The following OR1L6 variants were observed in gnomAD, a reference collection of about 807,000 sequenced individuals.
OR1L6 encodes olfactory receptor 1L6.
Under a neutral mutation model 3.0 loss-of-function variants are expected in OR1L6, and 2 were observed. The ratio of observed to expected loss-of-function variants is 0.68; its 90% CI spans 0.28 to 2.13. OR1L6 has a LOEUF of 2.13. OR1L6 is among the 30% of genes most tolerant of loss of function. The pLI, the probability that OR1L6 is intolerant of heterozygous loss-of-function variation, is 0.14. For synonymous variants in OR1L6, 121 were observed against 148.4 expected (o/e 0.82, Z 1.34); for missense variants, 304 against 378.4 (o/e 0.80, Z 1.63).
intron 1 of OR1L6, among the ~76,000 whole-genome samples, chr9:122,748,358 T>C (rs923524057): frequency 6.6e-6 from 1 of 151,646 alleles, no homozygotes; most frequent in Non-Finnish European, 1.5e-5. Flanking sequence ...TGAATGAAAG[T>C]ATCCTCATTC....
chr9:122,750,205 G>A lies in OR1L6; in HGVS notation c.358G>A (p.Ala120Thr). The A allele has an allele frequency of 3.7e-6, 6 of 1,613,960 alleles. No homozygotes were observed. The highest frequency in any genetic ancestry group is 4.2e-6 in the Non-Finnish European group (5 of 1,179,952). ...NTDSYLLASMAIDRLVAICNP... is the reference protein window; with the variant it reads ...NTDSYLLASMTIDRLVAICNP... ...TGACAGCTACCTGCTGGCCTCTATG[G>A]CCATCGACCGGCTGGTGGCCATCTG... The change falls in exon 2 of 2, where the codon GCC (alanine) becomes ACC (threonine). Residue 120 changes from alanine (A) to threonine (T), a missense_variant. This residue lies in a region of OR1L6 where 192 missense variants were observed against 242.7 expected (regional missense o/e 0.79). Coordinates refer to ENST00000304720, the MANE Select transcript of OR1L6 (RefSeq NM_001004453.3).
intron 1 of OR1L6, 90 bp from the exon 2 acceptor site, chr9:122,749,745 C>A: frequency 8.4e-7 from 1 of 1,192,500 alleles, no homozygotes; most frequent in Non-Finnish European, 1.2e-6. Context: ...GGGCTATGAG[C>A]TATTTTTACA....
chr9:122,744,546 C>A (rs780132429), intron 1 of OR1L6, among the ~76,000 whole-genome samples: 3 of 152,144 alleles, frequency 2.0e-5, no homozygotes, highest in Non-Finnish European at 4.4e-5. Flanking sequence ...TAGAAATAAT[C>A]CACATTTCCT....
rs1373428322 is a variant in OR1L6 at position 122,745,688 on chromosome 9, AG to A, written c.-14+3317del. On this transcript the variant is annotated intron_variant, in intron 1 of 1. Transcript: ENST00000304720. Reference sequence around the variant, plus strand: ...CGGCCTCCCAAAGTGCTGGGATTACAGGCGTAAACCACCGCACCCAGCCAAA... The same window carrying A: ...CGGCCTCCCAAAGTGCTGGGATTACAGCGTAAACCACCGCACCCAGCCAAA... Among the ~76,000 whole-genome samples the A allele has an allele frequency of 3.3e-5, 5 of 152,148 alleles. No homozygotes were observed. The East Asian group carries it at 9.7e-4, about 29-fold the overall frequency.
intron 1 of OR1L6, among the ~76,000 whole-genome samples, chr9:122,745,938 G>A (rs566361658): frequency 2.6e-5 from 4 of 152,156 alleles, no homozygotes; most frequent in South Asian, 4.2e-4. Flanking sequence ...CATGTGCCAT[G>A]GTGGTTTCCT....
Position 122,750,271 on chromosome 9 carries a change from T to A in OR1L6, c.424T>A (p.Cys142Ser). The change falls in exon 2 of 2, where the codon TGC (cysteine) becomes AGC (serine). Residue 142 changes from cysteine to serine, a missense_variant. This residue lies in a region of OR1L6 where 192 missense variants were observed against 242.7 expected (regional missense o/e 0.79). Transcript: ENST00000304720. ...HYDVVMKPRH[C>S]LLMLLGSCSI... Reference sequence around the variant, plus strand: ...TGATGTGGTTATGAAACCACGGCATTGCCTGCTCATGCTATTGGGTTCTTG... The same window carrying A: ...TGATGTGGTTATGAAACCACGGCATAGCCTGCTCATGCTATTGGGTTCTTG... 6.2e-7 allele frequency: 1 copy of A among 1,614,084 alleles called. No individual in the cohort carries two copies. The highest frequency in any genetic ancestry group is 1.1e-5 in the South Asian group (1 of 91,076).
intron 1 of OR1L6, among the ~76,000 whole-genome samples, chr9:122,748,249 T>C (rs1474014785): frequency 6.6e-6 from 1 of 152,182 alleles, no homozygotes; most frequent in Non-Finnish European, 1.5e-5. Flanking sequence ...TGATTAATTC[T>C]GATGTTCATT....
Position 122,744,741 on chromosome 9 carries a change from C to T in OR1L6, c.-14+2368C>T, listed in dbSNP as rs192174412. ...GCTAATCACTTGCAGTAGAGTTTGC[C>T]AAACACTCACTCAACTGTCATTTGA... On this transcript the variant is annotated intron_variant, in intron 1 of 1. Coordinates refer to ENST00000304720, the MANE Select transcript of OR1L6 (RefSeq NM_001004453.3). 3.2e-3 allele frequency among the ~76,000 whole-genome samples: 493 copies of T among 152,258 alleles called. 4 individuals carry two copies. Among genetic ancestry groups the T allele is most frequent in the Non-Finnish European group, 4.5e-3 (303 of 68,014 alleles).
chr9:122,746,796 C>T (rs1828842231), intron 1 of OR1L6, among the ~76,000 whole-genome samples: 1 of 152,102 alleles, frequency 6.6e-6, no homozygotes, highest in Non-Finnish European at 1.5e-5. Context: ...TTTCAGTCCA[C>T]ATTTTCTGAT....
At position 122,750,430 on chromosome 9, in the gene OR1L6, T is replaced by A. The variant is rs144787105; in HGVS notation, c.583T>A (p.Ser195Thr). The change falls in exon 2 of 2, where the codon TCC becomes ACC. Residue 195 changes from serine to threonine, a missense_variant. Coordinates refer to ENST00000304720, the MANE Select transcript of OR1L6 (RefSeq NM_001004453.3). Reference protein sequence around the residue: ...VLKLSCSDTSSSQMVVMTETL... With the variant: ...VLKLSCSDTSTSQMVVMTETL... ...AAAGCTCTCCTGCTCTGACACATCC[T>A]CCAGCCAGATGGTGGTGATGACTGA... The A allele has an allele frequency of 4.5e-5, 72 of 1,599,662 alleles. No individual in the cohort carries two copies. Among genetic ancestry groups the A allele is most frequent in the Non-Finnish European group, 6.1e-5 (71 of 1,171,080 alleles).
In OR1L6 at chr9:122,745,405, C is replaced by T. The variant is rs533872332; in HGVS notation, c.-14+3032C>T. On this transcript the variant is annotated intron_variant, in intron 1 of 1. Transcript: ENST00000304720. The stretch of plus-strand genomic sequence containing the variant: ...ATTACGAAATGACTATAAATAAACA[C>T]ACCTTTTTTTTTTTTTTTTTTATTT... Among the ~76,000 whole-genome samples the T allele has an allele frequency of 9.6e-5, 12 of 124,994 alleles. No individual in the cohort carries two copies. The East Asian group carries it at 2.8e-3, about 29-fold the overall frequency. 82.0% of individuals were successfully genotyped at this position (124,994 alleles called of 152,430 possible).
At chr9:122,742,834 G>T (rs369516625) in intron 1 of OR1L6, among the ~76,000 whole-genome samples, 1 of 152,196 alleles carries the variant, frequency 6.6e-6, no homozygotes, top group African/African-American at 2.4e-5. Context: ...CAAGTTTGTC[G>T]AGCAGTACCT....
chr9:122,748,969 ACAC>A lies in OR1L6; in HGVS notation c.-13-862_-13-860del, dbSNP rs567664041. Among the ~76,000 whole-genome samples the A allele has an allele frequency of 1.8e-3, 277 of 152,320 alleles. 1 individual carries two copies. Among genetic ancestry groups the A allele is most frequent in the Non-Finnish European group, 3.0e-3 (203 of 68,022 alleles). On this transcript the variant is annotated intron_variant, in intron 1 of 1. Transcript: ENST00000304720. ...TGTGTGTGTACACGTATACGTACACACACCACTTCTTTTATTCATTCATCCATT... is the reference window on the plus strand; with the variant it reads ...TGTGTGTGTACACGTATACGTACACACACTTCTTTTATTCATTCATCCATT...
intron 1 of OR1L6, among the ~76,000 whole-genome samples, chr9:122,745,745 A>G (rs1564248645): frequency 6.6e-6 from 1 of 152,116 alleles, no homozygotes; most frequent in Non-Finnish European, 1.5e-5. Context: ...CAGACAATAC[A>G]ATATAAAGTT....
chr9:122,743,194 T>A (rs1194367450), intron 1 of OR1L6, among the ~76,000 whole-genome samples: 1 of 152,122 alleles, frequency 6.6e-6, no homozygotes, highest in Non-Finnish European at 1.5e-5. Context: ...TTTAATTCAT[T>A]GAATTATTGA....
intron 1 of OR1L6, among the ~76,000 whole-genome samples, chr9:122,748,118 CTTAAAA>C (rs1828854122): frequency 6.6e-6 from 1 of 152,100 alleles, no homozygotes; most frequent in African/African-American, 2.4e-5. Context: ...GGACCAAACG[CTTAAAA>C]TTAAAGTATC....
rs10818740 is a variant in OR1L6, at chr9:122,750,509, G to A, written c.662G>A (p.Arg221Gln). ...PFLCIIFSYL[R>Q]IMVTVLRIPS... ...CTGTGTATCATCTTCTCCTACCTGC[G>A]AATCATGGTCACTGTGCTCAGAATC... Residue 221 changes from arginine (R) to glutamine (Q), a missense_variant, in exon 2 of 2, where the codon CGA becomes CAA. Physicochemically the swap from Arg to Gln is conservative, Grantham distance 43 (BLOSUM62 1). This residue lies in a region of OR1L6 where 21 missense variants were observed against 47.9 expected (regional missense o/e 0.44). Coordinates refer to ENST00000304720, the MANE Select transcript of OR1L6 (RefSeq NM_001004453.3). 0.89 allele frequency: 728,850 copies of A among 816,912 alleles called. 348,548 individuals are homozygous for A. The highest frequency in any genetic ancestry group is 1 in the East Asian group (40,016 of 40,054). The allele number at this position is 816,912 out of a possible 1,614,324, so 50.6% of individuals were successfully genotyped here. A position where few individuals can be genotyped will look rare whatever the true frequency, so the allele number is the denominator to read the frequency against.
At chr9:122,747,219 G>A (rs920312059) in intron 1 of OR1L6, among the ~76,000 whole-genome samples, 13 of 152,122 alleles carry the variant, frequency 8.5e-5, no homozygotes, top group African/African-American at 3.1e-4. Context: ...TTAAGTTGCA[G>A]ATAAATTACT....
intron 1 of OR1L6, among the ~76,000 whole-genome samples, chr9:122,743,446 G>A (rs1404351838): frequency 6.6e-6 from 1 of 152,176 alleles, no homozygotes; most frequent in Non-Finnish European, 1.5e-5. Context: ...CCTCTAATTT[G>A]ACAAAGAAGA....
Sources: allele counts gnomAD v4.1 joint callset (sites outside exome capture counted in the v4.1 genomes callset), GRCh38; gene constraint gnomAD v4.1.1; regional missense constraint gnomAD v4.1.1; transcripts MANE v1.5; gene names NCBI Gene and HGNC (gene_info 2026-07-23, HGNC 2026-07-21).